The following CAB39L variants were observed in gnomAD, a reference collection of about 807,000 sequenced individuals.
The protein encoded by CAB39L is calcium binding protein 39 like, also known as calcium-binding protein 39-like.
A neutral mutation model predicts 39.1 loss-of-function variants in CAB39L; 23 were observed. The ratio of observed to expected loss-of-function variants is 0.59; its 90% CI spans 0.42 to 0.83. CAB39L has a LOEUF of 0.83. Ranked by LOEUF, CAB39L falls within the 40% of genes least tolerant of loss-of-function variation. The probability of loss-of-function intolerance (pLI) is 0.00; values close to 1 mark genes in which losing one functional copy is unlikely to be tolerated. For synonymous variants in CAB39L, 126 were observed against 137.2 expected (o/e 0.92, Z 0.57); for missense variants, 366 against 391.9 (o/e 0.93, Z 0.56).
At chr13:49,359,905 CAT>C (rs1051911573) in intron 5 of CAB39L, 73 bp from the exon 6 acceptor site, 27 of 789,984 alleles carry the variant, frequency 3.4e-5, no homozygotes, top group South Asian at 8.1e-5. Context: ...GGAATATATA[CAT>C]ATATATATAC....
chr13:49,396,879 A>G (rs7330132), intron 3 of CAB39L, among the ~76,000 whole-genome samples: 20,918 of 152,166 alleles, frequency 0.14, 1,595 homozygotes, highest in Middle Eastern at 0.2. Context: ...GAGTACATAC[A>G]TATGTCAATA....
chr13:49,383,556 T>C (rs138085065), intron 3 of CAB39L, among the ~76,000 whole-genome samples: 6 of 152,346 alleles, frequency 3.9e-5, no homozygotes, highest in Non-Finnish European at 7.4e-5. Flanking sequence ...TGCATTCATG[T>C]ATAGACATAC....
At chr13:49,415,596 C>T (rs9568198) in intron 3 of CAB39L, among the ~76,000 whole-genome samples, 82,700 of 151,832 alleles carry the variant, frequency 0.54, 22,651 homozygotes, top group South Asian at 0.64. Flanking sequence ...ACACTCTACA[C>T]TATGGTACTG....
chr13:49,410,462 A>AT (rs1429314821), intron 3 of CAB39L, among the ~76,000 whole-genome samples: 1 of 152,198 alleles, frequency 6.6e-6, no homozygotes, highest in East Asian at 1.9e-4. Flanking sequence ...CTATACAAAA[A>AT]TTTTATGTTG....
intron 3 of CAB39L, among the ~76,000 whole-genome samples, chr13:49,405,475 G>C (rs1168721702): frequency 6.6e-6 from 1 of 150,380 alleles, no homozygotes; most frequent in Non-Finnish European, 1.5e-5. Context: ...GGTACAATAA[G>C]AATCATCTGG....
intron 1 of CAB39L, among the ~76,000 whole-genome samples, chr13:49,437,613 T>C (rs1056108131): frequency 1.6e-4 from 24 of 152,216 alleles, no homozygotes; most frequent in African/African-American, 5.3e-4. Flanking sequence ...AGTCTCCACC[T>C]TGCTTGCCAC....
intron 3 of CAB39L, among the ~76,000 whole-genome samples, chr13:49,388,899 C>T (rs971622360): frequency 6.6e-6 from 1 of 152,074 alleles, no homozygotes; most frequent in Non-Finnish European, 1.5e-5. Flanking sequence ...CTATTTGGTC[C>T]GGGTTTCTTC....
chr13:49,437,226 G>A (rs1957432026), intron 1 of CAB39L, among the ~76,000 whole-genome samples: 1 of 152,140 alleles, frequency 6.6e-6, no homozygotes, highest in Non-Finnish European at 1.5e-5. Flanking sequence ...TGACTTAACT[G>A]GATTTCTTAG....
chr13:49,329,535 A>T (rs1442888277), intron 10 of CAB39L, among the ~76,000 whole-genome samples: 1 of 13,874 alleles, frequency 7.2e-5, no homozygotes, highest in Non-Finnish European at 1.1e-4. Context: ...CTCTTCAATT[A>T]AAAAAAAAAA....
At chr13:49,437,075 T>C (rs916733676) in intron 1 of CAB39L, among the ~76,000 whole-genome samples, 1 of 152,210 alleles carries the variant, frequency 6.6e-6, no homozygotes, top group Non-Finnish European at 1.5e-5. Context: ...CCAGCCCAGT[T>C]GAAATGTTTT....
intron 1 of CAB39L, among the ~76,000 whole-genome samples, chr13:49,442,802 A>C (rs908536255): frequency 3.4e-5 from 5 of 148,942 alleles, no homozygotes; most frequent in African/African-American, 1.3e-4. Context: ...AAAAAAAAAA[A>C]AAAAAAAAAA....
At chr13:49,334,293 A>G (rs1954792733) in intron 9 of CAB39L, among the ~76,000 whole-genome samples, 1 of 152,198 alleles carries the variant, frequency 6.6e-6, no homozygotes, top group South Asian at 2.1e-4. Context: ...TTAGATTAGA[A>G]AGTGAACGAA....
At chr13:49,373,502 G>C (rs1228227219) in intron 5 of CAB39L, among the ~76,000 whole-genome samples, 1 of 152,020 alleles carries the variant, frequency 6.6e-6, no homozygotes, top group Non-Finnish European at 1.5e-5. Context: ...TGACTGTTCT[G>C]CTATCCAAAG....
chr13:49,414,628 T>C (rs1305142295), intron 3 of CAB39L, among the ~76,000 whole-genome samples: 1 of 152,168 alleles, frequency 6.6e-6, no homozygotes, highest in Non-Finnish European at 1.5e-5. Flanking sequence ...ATAGGACTAA[T>C]ACTTCAAATT....
intron 6 of CAB39L, among the ~76,000 whole-genome samples, chr13:49,351,865 T>C (rs974489721): frequency 4.6e-5 from 7 of 152,172 alleles, no homozygotes; most frequent in African/African-American, 1.7e-4. Context: ...TTCCTATGTT[T>C]TTGGCTTGAA....
chr13:49,369,853 T>C (rs938117390), intron 5 of CAB39L, among the ~76,000 whole-genome samples: 1 of 152,190 alleles, frequency 6.6e-6, no homozygotes, highest in Non-Finnish European at 1.5e-5. Flanking sequence ...CCCAAAGTGC[T>C]GGGATTACAG....
At chr13:49,315,142 C>A (rs1008933403) in intron 10 of CAB39L, among the ~76,000 whole-genome samples, 1 of 152,196 alleles carries the variant, frequency 6.6e-6, no homozygotes, top group Non-Finnish European at 1.5e-5. Flanking sequence ...ATAAATTCTT[C>A]ATGTTTCTGT....
intron 10 of CAB39L, among the ~76,000 whole-genome samples, chr13:49,322,662 C>T (rs753348070): frequency 1.3e-5 from 2 of 152,182 alleles, no homozygotes; most frequent in Non-Finnish European, 2.9e-5. Context: ...TTCTAATATA[C>T]TTTATCACAG....
chr13:49,364,791 A>C (rs1048891361), intron 5 of CAB39L, among the ~76,000 whole-genome samples: 1 of 152,184 alleles, frequency 6.6e-6, no homozygotes, highest in Non-Finnish European at 1.5e-5. Context: ...GAAAGAAATT[A>C]AAAAGGACAT....
Sources: allele counts gnomAD v4.1 joint callset (sites outside exome capture counted in the v4.1 genomes callset), GRCh38; gene constraint gnomAD v4.1.1; transcripts MANE v1.5; gene names NCBI Gene and HGNC (gene_info 2026-07-23, HGNC 2026-07-21).